Variants in RNLS observed in about 807,000 individuals in gnomAD.
RNLS encodes renalase.
Under a neutral mutation model 39.8 loss-of-function variants are expected in RNLS, and 39 were observed. The observed-to-expected ratio is 0.98, with a 90% confidence interval of 0.76 to 1.28. The LOEUF is 1.28. Ranked by LOEUF, RNLS falls within the 50% of genes most tolerant of loss-of-function variation. RNLS has a pLI of 0.00. For missense variants in RNLS, 410 were observed against 413.3 expected (o/e 0.99, Z 0.07); for synonymous variants, 147 against 150.7 (o/e 0.98, Z 0.18).
chr10:88,204,742 A>G, the RNLS span, among the ~76,000 whole-genome samples: 2 of 152,184 alleles, frequency 1.3e-5, no homozygotes, highest in African/African-American at 4.8e-5. Flanking sequence ...AATCCATCTG[A>G]TTCCAAATAG....
At chr10:88,497,003 G>T (rs916623929) in intron 4 of RNLS, among the ~76,000 whole-genome samples, 4 of 152,126 alleles carry the variant, frequency 2.6e-5, no homozygotes, top group Admixed American at 2.6e-4. Flanking sequence ...ATATTAAAAT[G>T]AAAATGAAAG....
chr10:88,190,764 T>C, the RNLS span, among the ~76,000 whole-genome samples: 1 of 152,208 alleles, frequency 6.6e-6, no homozygotes, highest in Admixed American at 6.5e-5. Context: ...CTTGCTTATT[T>C]CCCATCTTCT....
chr10:88,185,913 A>G, the RNLS span, among the ~76,000 whole-genome samples: 1 of 152,178 alleles, frequency 6.6e-6, no homozygotes, highest in Admixed American at 6.6e-5. Flanking sequence ...TTACTAAGCA[A>G]TTTTAATGGA....
At chr10:88,547,648 C>T (rs904266600) in intron 4 of RNLS, among the ~76,000 whole-genome samples, 22 of 152,056 alleles carry the variant, frequency 1.4e-4, no homozygotes, top group African/African-American at 4.1e-4. Flanking sequence ...TTAAATGAGT[C>T]CCTAAACATT....
the RNLS span, among the ~76,000 whole-genome samples, chr10:88,177,245 G>C: frequency 1.3e-5 from 2 of 152,068 alleles, no homozygotes; most frequent in East Asian, 3.8e-4. Flanking sequence ...GTGTCCGTAT[G>C]TCCCATATGG....
At chr10:88,172,839 G>GTTGTTTTTTTT in the RNLS span, among the ~76,000 whole-genome samples, 2 of 31,504 alleles carry the variant, frequency 6.3e-5, no homozygotes, top group East Asian at 1.7e-3. Flanking sequence ...TGCATTTTGA[G>GTTGTTTTTTTT]TTGTTTTTTT....
intron 4 of RNLS, among the ~76,000 whole-genome samples, chr10:88,399,290 C>G (rs1727438895): frequency 6.6e-6 from 1 of 151,914 alleles, no homozygotes; most frequent in African/African-American, 2.4e-5. Context: ...CCGAAGACAA[C>G]TAAAAAGAAA....
At chr10:88,513,065 C>T (rs1396685264) in intron 4 of RNLS, among the ~76,000 whole-genome samples, 1 of 152,092 alleles carries the variant, frequency 6.6e-6, no homozygotes, top group Non-Finnish European at 1.5e-5. Context: ...AGTGAATGCA[C>T]ATGATTCAAA....
At chr10:88,365,487 C>T (rs1454940291) in intron 4 of RNLS, among the ~76,000 whole-genome samples, 2 of 150,294 alleles carry the variant, frequency 1.3e-5, no homozygotes, top group African/African-American at 2.5e-5. Context: ...CTGTCATCCT[C>T]ATTTAATTCT....
chr10:88,499,467 T>C (rs1412294504), intron 4 of RNLS, among the ~76,000 whole-genome samples: 2 of 152,128 alleles, frequency 1.3e-5, no homozygotes, highest in African/African-American at 2.4e-5. Flanking sequence ...TCGTAACAGA[T>C]AATATGTTAG....
rs532226217 is a variant in RNLS at position 88,512,094 on chromosome 10, A to G, written c.526+60809T>C. Among the ~76,000 whole-genome samples the G allele has an allele frequency of 5.4e-4, 83 of 152,330 alleles. 1 individual carries two copies. The highest frequency in any genetic ancestry group is 1.8e-3 in the African/African-American group (76 of 41,592). ...AATGAGTCAGCATGCATTAAAATGC[A>G]AGGGAAATTTTGCTAGTAAATAACA... On this transcript the variant is annotated intron_variant, in intron 4 of 6. Coordinates refer to ENST00000331772, the MANE Select transcript of RNLS (RefSeq NM_001031709.3).
At chr10:88,397,950 T>C (rs1852663483) in intron 4 of RNLS, among the ~76,000 whole-genome samples, 1 of 152,040 alleles carries the variant, frequency 6.6e-6, no homozygotes, top group Non-Finnish European at 1.5e-5. Flanking sequence ...AGTAAATTGA[T>C]TTTGACTGGG....
chr10:88,235,161 G>A, the RNLS span, among the ~76,000 whole-genome samples: 1 of 151,548 alleles, frequency 6.6e-6, no homozygotes, highest in Non-Finnish European at 1.5e-5. Flanking sequence ...CCAGCTACTA[G>A]GGAGGCTGAG....
intron 4 of RNLS, among the ~76,000 whole-genome samples, chr10:88,481,864 A>G (rs1392096437): frequency 2.6e-5 from 4 of 152,134 alleles, no homozygotes; most frequent in East Asian, 1.9e-4. Context: ...TGGTATTCTC[A>G]TAAGACAGGT....
At chr10:88,221,934 A>G in the RNLS span, among the ~76,000 whole-genome samples, 1 of 152,170 alleles carries the variant, frequency 6.6e-6, no homozygotes, top group East Asian at 1.9e-4. Context: ...ATTTGTTATA[A>G]TTGAACTAGA....
At chr10:88,507,346 C>T (rs1845847937) in intron 4 of RNLS, among the ~76,000 whole-genome samples, 2 of 151,966 alleles carry the variant, frequency 1.3e-5, no homozygotes, top group South Asian at 2.1e-4. Flanking sequence ...TTGAAAAATA[C>T]AAAACAGTAA....
intron 4 of RNLS, among the ~76,000 whole-genome samples, chr10:88,375,808 CA>C (rs1362279175): frequency 1.3e-5 from 2 of 151,996 alleles, no homozygotes; most frequent in Non-Finnish European, 2.9e-5. Flanking sequence ...AGGAGAAAAC[CA>C]TATTTAATAA....
intron 3 of RNLS, among the ~76,000 whole-genome samples, chr10:88,575,151 TATATATATACAC>T (rs1389457969): frequency 0.037 from 1,712 of 46,666 alleles, 19 homozygotes; most frequent in African/African-American, 0.1. Flanking sequence ...TATATATATA[TATATATATACAC>T]ACACACACAC....
the RNLS span, among the ~76,000 whole-genome samples, chr10:88,187,159 A>T: frequency 1.9e-4 from 20 of 106,992 alleles, 1 homozygote; most frequent in African/African-American, 6.7e-4. Flanking sequence ...TATATATATA[A>T]TATATATAAT....
Sources: gnomAD v4.1 joint callset for allele counts (sites outside exome capture counted in the v4.1 genomes callset) on GRCh38, gnomAD v4.1.1 for gene constraint, MANE v1.5 for transcripts, NCBI Gene and HGNC (gene_info 2026-07-23, HGNC 2026-07-21) for gene names.